IFT88: variants seen among roughly 807,000 people sequenced by gnomAD.
The protein encoded by IFT88 is intraflagellar transport 88.
Under a neutral mutation model 119.5 loss-of-function variants are expected in IFT88, and 74 were observed. The ratio of observed to expected loss-of-function variants is 0.62; its 90% CI spans 0.51 to 0.75. IFT88 has a LOEUF of 0.75. IFT88 is among the 30% of genes least tolerant of loss of function. The probability of loss-of-function intolerance (pLI) is 0.00; values close to 1 mark genes in which losing one functional copy is unlikely to be tolerated. For synonymous variants in IFT88, 279 were observed against 316.7 expected (o/e 0.88, Z 1.26); for missense variants, 961 against 977.7 (o/e 0.98, Z 0.23).
intron 23 of IFT88, among the ~76,000 whole-genome samples, chr13:20,667,685 G>A (rs1012590013): frequency 9.4e-5 from 14 of 148,758 alleles, no homozygotes; most frequent in African/African-American, 1.5e-4. Context: ...CTTGTGATCC[G>A]CCCACCTCGG....
At chr13:20,604,279 ATAGT>A (rs1293191318) in intron 12 of IFT88, among the ~76,000 whole-genome samples, 1 of 152,122 alleles carries the variant, frequency 6.6e-6, no homozygotes, top group Non-Finnish European at 1.5e-5. Context: ...TATGTGAAAG[ATAGT>A]TAAGTGCTGG....
chr13:20,597,124 GTA>G lies in IFT88; in HGVS notation c.594+7_594+8del. The G allele has an allele frequency of 6.7e-7, 1 of 1,501,940 alleles. No individual in the cohort carries two copies. Among genetic ancestry groups the G allele is most frequent in the Non-Finnish European group, 9.1e-7 (1 of 1,093,330 alleles). The allele number at this position is 1,501,940 out of a possible 1,614,324, so 93.0% of individuals were successfully genotyped here. Reference sequence around the variant, plus strand: ...AATTTGGATTTAACTTACTCAGTAAGTATTGAAATATAACACAATTTTTAAAT... The same window carrying G: ...AATTTGGATTTAACTTACTCAGTAAGTTGAAATATAACACAATTTTTAAAT... On this transcript the variant is annotated splice_donor_region_variant and intron_variant, in intron 9 of 25. Transcript: ENST00000351808.
At chr13:20,668,319 G>A (rs1179193622) in intron 23 of IFT88, among the ~76,000 whole-genome samples, 5 of 152,080 alleles carry the variant, frequency 3.3e-5, no homozygotes, top group African/African-American at 1.2e-4. Context: ...TTGTGTGAAT[G>A]GTATGAGAGA....
intron 4 of IFT88, among the ~76,000 whole-genome samples, chr13:20,590,472 C>G (rs1170997961): frequency 6.6e-6 from 1 of 152,146 alleles, no homozygotes; most frequent in Non-Finnish European, 1.5e-5. Context: ...GTCCAGGGCA[C>G]TTGCCTTTAT....
At chr13:20,690,066 GA>G (rs1251579018) in intron 24 of IFT88, among the ~76,000 whole-genome samples, 1 of 152,164 alleles carries the variant, frequency 6.6e-6, no homozygotes, top group Non-Finnish European at 1.5e-5. Context: ...GGATTTTAAA[GA>G]CCATCTTGTT....
At chr13:20,609,056 G>A (rs1260116015) in intron 13 of IFT88, among the ~76,000 whole-genome samples, 2 of 152,146 alleles carry the variant, frequency 1.3e-5, no homozygotes, top group Non-Finnish European at 2.9e-5. Flanking sequence ...ATTTTCTGAG[G>A]ATGTTGCATT....
At chr13:20,658,966 A>G (rs1442349468) in intron 22 of IFT88, among the ~76,000 whole-genome samples, 1 of 152,220 alleles carries the variant, frequency 6.6e-6, no homozygotes, top group Non-Finnish European at 1.5e-5. Context: ...ACTTTGGCCT[A>G]TTTAATTTTC....
chr13:20,570,236 G>C (rs938442355), intron 1 of IFT88, among the ~76,000 whole-genome samples: 3 of 152,166 alleles, frequency 2.0e-5, no homozygotes, highest in Admixed American at 1.3e-4. Flanking sequence ...ATGTTGGCTA[G>C]GACATGGATA....
At chr13:20,660,707 C>T (rs2053642084) in intron 22 of IFT88, among the ~76,000 whole-genome samples, 1 of 152,048 alleles carries the variant, frequency 6.6e-6, no homozygotes, top group African/African-American at 2.4e-5. Context: ...AGGGTAATTG[C>T]ACAAATATAG....
Position 20,574,474 on chromosome 13 carries a change from A to C in IFT88, c.89A>C (p.Glu30Ala). ...GACTACAATCCAATCTATGATATCG[A>C]GGTAACAAAAGCTAGTTGTTTTTTA... ...YNDYNPIYDI[E>A]ELENDAAFQQ... The change falls in exon 2 of 26, where the codon GAG becomes GCG. Residue 30 changes from glutamate to alanine, a missense_variant and splice_region_variant. Transcript: ENST00000351808. The C allele has an allele frequency of 6.4e-7, 1 of 1,561,254 alleles. No homozygotes were observed. The highest frequency in any genetic ancestry group is 8.8e-7 in the Non-Finnish European group (1 of 1,135,962).
At chr13:20,588,483 A>C (rs1244064610) in intron 3 of IFT88, among the ~76,000 whole-genome samples, 1 of 152,160 alleles carries the variant, frequency 6.6e-6, no homozygotes, top group Non-Finnish European at 1.5e-5. Context: ...AGACATTATA[A>C]ATGAAAAATT....
intron 13 of IFT88, chr13:20,607,377 C>A: frequency 1.7e-6 from 1 of 592,726 alleles, no homozygotes; most frequent in Non-Finnish European, 3.3e-6. Context: ...ACCATTAAGG[C>A]CACCATGCCC....
chr13:20,613,078 AATAG>A (rs946411728), intron 13 of IFT88, among the ~76,000 whole-genome samples: 14 of 152,372 alleles, frequency 9.2e-5, no homozygotes, highest in African/African-American at 2.2e-4. Flanking sequence ...ATAAGAAAAA[AATAG>A]ATAAATTGGA....
intron 24 of IFT88, among the ~76,000 whole-genome samples, chr13:20,677,269 A>G (rs1594869998): frequency 2.0e-5 from 3 of 152,170 alleles, no homozygotes; most frequent in African/African-American, 7.2e-5. Context: ...TTGTTGGGTA[A>G]TAATGTAATG....
At chr13:20,659,487 T>TA (rs575875303) in intron 22 of IFT88, among the ~76,000 whole-genome samples, 55 of 146,500 alleles carry the variant, frequency 3.8e-4, no homozygotes, top group Admixed American at 4.8e-4. Context: ...CTAAATCTCT[T>TA]AAAAAAAAAA....
At chr13:20,687,912 T>C (rs1294254472) in intron 24 of IFT88, among the ~76,000 whole-genome samples, 1 of 152,320 alleles carries the variant, frequency 6.6e-6, no homozygotes, top group South Asian at 2.1e-4. Context: ...CCTCAGATTA[T>C]AGACACTCAT....
intron 24 of IFT88, among the ~76,000 whole-genome samples, chr13:20,675,141 C>T (rs79190132): frequency 0.031 from 4,788 of 152,028 alleles, 251 homozygotes; most frequent in African/African-American, 0.11. Context: ...CAAGGGAGGA[C>T]GAGACAAGGA....
At chr13:20,585,629 A>G (rs1038152631) in intron 3 of IFT88, among the ~76,000 whole-genome samples, 2 of 152,106 alleles carry the variant, frequency 1.3e-5, no homozygotes, top group Non-Finnish European at 2.9e-5. Flanking sequence ...ATGTGTCCCA[A>G]AGCTCCCATT....
Position 20,643,592 on chromosome 13 carries a change from A to G in IFT88, c.1820A>G (p.Gln607Arg). The G allele has an allele frequency of 6.2e-7, 1 of 1,600,822 alleles. No individual in the cohort carries two copies. Among genetic ancestry groups the G allele is most frequent in the Non-Finnish European group, 8.5e-7 (1 of 1,172,052 alleles). The change falls in exon 19 of 26, where the codon CAA becomes CGA. Residue 607 changes from glutamine to arginine, a missense_variant. Physicochemically the swap from Gln to Arg is conservative, Grantham distance 43 (BLOSUM62 1). Coordinates refer to ENST00000351808, the MANE Select transcript of IFT88 (RefSeq NM_006531.5). ...GAAGGAGATAAATCTCAAGCATTTCAATATTACTATGAGGTAGGTGTGTTA... is the reference window on the plus strand; with the variant it reads ...GAAGGAGATAAATCTCAAGCATTTCGATATTACTATGAGGTAGGTGTGTTA... ...DREGDKSQAF[Q>R]YYYESYRYFP... is the part of the protein sequence containing the mutation.
Sources: allele counts gnomAD v4.1 joint callset (sites outside exome capture counted in the v4.1 genomes callset), GRCh38; gene constraint gnomAD v4.1.1; transcripts MANE v1.5; gene names NCBI Gene and HGNC (gene_info 2026-07-23, HGNC 2026-07-21).